Variants in NIN observed in about 807,000 individuals in gnomAD.
NIN encodes the protein glycogen synthase kinase 3 beta-interacting protein.
Under a neutral mutation model 257.6 loss-of-function variants are expected in NIN, and 137 were observed. The ratio of observed to expected loss-of-function variants is 0.53; its 90% CI spans 0.46 to 0.61. NIN has a LOEUF of 0.61. NIN is among the 20% of genes least tolerant of loss of function. The pLI is 0.00. For synonymous variants in NIN, 918 were observed against 919.8 expected (o/e 1.00, Z 0.04); for missense variants, 2,439 against 2,501.2 (o/e 0.98, Z 0.53).
At chr14:50,763,785 A>G (rs370055488) in intron 15 of NIN, 41 bp downstream of exon 15, 8 of 1,556,318 alleles carry the variant, frequency 5.1e-6, no homozygotes, top group Non-Finnish European at 7.0e-6. Flanking sequence ...TCTAAAAACA[A>G]GAGTAAAGGC....
intron 3 of NIN, among the ~76,000 whole-genome samples, chr14:50,812,425 A>T: frequency 6.6e-6 from 1 of 152,208 alleles, no homozygotes; most frequent in Non-Finnish European, 1.5e-5. Context: ...CTTTCACACG[A>T]AGCCACCAGG....
chr14:50,744,540 C>T (rs950013032), intron 22 of NIN, among the ~76,000 whole-genome samples, 175 bp from the exon 23 acceptor site: 2 of 152,254 alleles, frequency 1.3e-5, no homozygotes, highest in African/African-American at 2.4e-5. Flanking sequence ...CTTCTGGCTT[C>T]TCTCTGATTC....
chr14:50,778,330 A>G (rs554415928), intron 6 of NIN, among the ~76,000 whole-genome samples: 10 of 152,154 alleles, frequency 6.6e-5, no homozygotes, highest in African/African-American at 2.4e-4. Flanking sequence ...GGCATGTGCT[A>G]CCACACCTGG....
At chr14:50,815,331 C>T (rs2044840134) in intron 3 of NIN, among the ~76,000 whole-genome samples, 1 of 152,120 alleles carries the variant, frequency 6.6e-6, no homozygotes, top group Non-Finnish European at 1.5e-5. Flanking sequence ...AAATCAAAAC[C>T]ACAATGAGAT....
chr14:50,737,547 C>A (rs1175973927), intron 27 of NIN, among the ~76,000 whole-genome samples: 1 of 138,740 alleles, frequency 7.2e-6, no homozygotes, highest in South Asian at 2.3e-4. Flanking sequence ...TTCTAATATT[C>A]GAGTGATAAA....
rs561507329 is a variant in NIN at position 50,775,685 on chromosome 14, A to G, written c.666+1264T>C. Among the ~76,000 whole-genome samples, 23 of 152,352 alleles carry G rather than the reference A, an allele frequency of 1.5e-4. 1 individual carries two copies. The South Asian group carries it at 4.8e-3, about 32-fold the overall frequency. On this transcript the variant is annotated intron_variant, in intron 7 of 30. Transcript: ENST00000530997. Reference sequence around the variant, plus strand: ...CTTTTCCTGAGCTTTGGAAACCACCACAGAAGAACATGCAGCTCTCCACAA... The same window carrying G: ...CTTTTCCTGAGCTTTGGAAACCACCGCAGAAGAACATGCAGCTCTCCACAA...
At position 50,757,654 on chromosome 14, in the gene NIN, A is replaced by T. The variant is rs1445072331; in HGVS notation, c.3376T>A (p.Phe1126Ile). 1 of 1,613,984 alleles carries T rather than the reference A, an allele frequency of 6.2e-7. No homozygotes were observed. The highest frequency in any genetic ancestry group is 2.2e-5 in the East Asian group (1 of 44,870). ...TGCTTCGTTCGGTTTTGCTGTAAAA[A>T]CTGCTCTGTTTGTTCCGCAGTATTT... is the stretch of plus-strand genomic sequence containing the variant. Reference protein sequence around the residue: ...FGNTAEQTEQFLQQNRTKQVE... With the variant: ...FGNTAEQTEQILQQNRTKQVE... The change falls in exon 18 of 31, where the codon TTT (phenylalanine) becomes ATT (isoleucine). Residue 1126 changes from phenylalanine to isoleucine, a missense_variant. Around this residue, in one of 3 missense-constraint regions of NIN, gnomAD observed 2,043 missense variants for 2,050.2 expected, o/e 1.00. Coordinates refer to ENST00000530997, the MANE Select transcript of NIN (RefSeq NM_020921.4).
At chr14:50,744,412 T>G (rs1316949470) in intron 22 of NIN, 47 bp from the exon 23 acceptor site, 3 of 1,602,650 alleles carry the variant, frequency 1.9e-6, no homozygotes, top group East Asian at 4.5e-5. Context: ...CTCATGGCTG[T>G]AAGTACAAAG....
intron 20 of NIN, among the ~76,000 whole-genome samples, chr14:50,753,455 C>G (rs1013331925): frequency 6.6e-6 from 1 of 152,156 alleles, no homozygotes; most frequent in African/African-American, 2.4e-5. Flanking sequence ...CCACATACTA[C>G]TTTTTACTGG....
At chr14:50,762,698 T>C (rs576930340) in intron 15 of NIN, among the ~76,000 whole-genome samples, 1 of 152,266 alleles carries the variant, frequency 6.6e-6, no homozygotes, top group African/African-American at 2.4e-5. Flanking sequence ...GCTGAGCTTG[T>C]ACACAGAAGA....
In NIN at chr14:50,760,144, CA is replaced by C. The variant is rs767881996; in HGVS notation, c.2111del (p.Leu704ArgfsTer3). 2.5e-6 allele frequency: 4 copies of C among 1,614,212 alleles called. No homozygotes were observed. The highest frequency in any genetic ancestry group is 3.4e-6 in the Non-Finnish European group (4 of 1,180,042). On this transcript the variant is annotated frameshift_variant, in exon 17 of 31. Transcript: ENST00000530997. LOFTEE classifies it high-confidence loss of function. The part of the protein sequence containing the change: ...TCRHEEEKKQ[L>X]QVKLEEEKTH... ...TCTTTTCCTCCTCAAGCTTCACTTGCAGTTGTTTTTTCTCCTCCTCATGCCT... is the reference window on the plus strand; with the variant it reads ...TCTTTTCCTCCTCAAGCTTCACTTGCGTTGTTTTTTCTCCTCCTCATGCCT...
intron 28 of NIN, among the ~76,000 whole-genome samples, chr14:50,733,096 TA>T (rs1016339500): frequency 2.0e-4 from 21 of 102,846 alleles, no homozygotes; most frequent in African/African-American, 8.6e-4. Flanking sequence ...ATAGCATTAA[TA>T]ATTTTTTTTT....
chr14:50,726,260 A>C, intron 29 of NIN, 194 bp from the exon 30 acceptor site: 1 of 506,732 alleles, frequency 2.0e-6, no homozygotes, highest in Non-Finnish European at 3.5e-6. Flanking sequence ...TATCAGATAA[A>C]GGATCAGACT....
Position 50,758,327 on chromosome 14 carries a change from G to T in NIN, c.2703C>A (p.Tyr901Ter). ...CGACCATGCTGTTCAAATGTTCTTT[G>T]TATGTTTTCTCCAGCATCTCTCTCT... ...TQEREMLEKT[Y>*]KEHLNSMVVE... The change falls in exon 18 of 31, where the codon TAC (tyrosine) becomes TAA (stop). Residue 901 changes from tyrosine to a stop codon, truncating the protein, a stop_gained. Transcript: ENST00000530997. LOFTEE classifies it high-confidence loss of function. The T allele has an allele frequency of 1.2e-6, 2 of 1,614,214 alleles. No homozygotes were observed. Among genetic ancestry groups the T allele is most frequent in the Non-Finnish European group, 1.7e-6 (2 of 1,180,020 alleles).
Position 50,776,996 on chromosome 14 carries a change from GC to G in NIN, c.618del (p.Lys206AsnfsTer32). ...CCATACTGCTCACAGATGGAGACCA[GC>G]TTCTTCCGGTTCAGGTGACCATCAC... ...ITRDGHLNRKKLVSICEQYGL... is the reference protein window; with the variant it reads ...ITRDGHLNRKXLVSICEQYGL... On this transcript the variant is annotated frameshift_variant, in exon 7 of 31. Coordinates refer to ENST00000530997, the MANE Select transcript of NIN (RefSeq NM_020921.4). LOFTEE classifies it high-confidence loss of function. 6.2e-7 allele frequency: 1 copy of G among 1,614,174 alleles called. No homozygotes were observed. The highest frequency in any genetic ancestry group is 8.5e-7 in the Non-Finnish European group (1 of 1,180,022).
At chr14:50,731,009 G>A (rs776499755) in intron 28 of NIN, 1 of 1,207,570 alleles carries the variant, frequency 8.3e-7, no homozygotes, top group Middle Eastern at 2.2e-4. Flanking sequence ...CCACAGACAA[G>A]ACAAAAAGAA....
chr14:50,830,871 A>G (rs1014482890), intron 1 of NIN, 135 bp downstream of exon 1: 58 of 150,954 alleles, frequency 3.8e-4, no homozygotes, highest in African/African-American at 1.4e-3. Context: ...CCGGACCCCA[A>G]ATGGGAAGCC....
chr14:50,756,436 T>G, intron 18 of NIN, 56 bp downstream of exon 18: 1 of 1,521,918 alleles, frequency 6.6e-7, no homozygotes, highest in South Asian at 1.3e-5. Context: ...CAGTGGAAGT[T>G]AGATCTGGTG....
chr14:50,773,002 T>C lies in NIN; in HGVS notation c.760A>G (p.Thr254Ala). The C allele has an allele frequency of 4.3e-6, 7 of 1,613,312 alleles. No individual in the cohort carries two copies. The highest frequency in any genetic ancestry group is 5.9e-6 in the Non-Finnish European group (7 of 1,179,302). ...CTATATGGAGTAGATGCTGATGGTG[T>C]AAGAGATTTTCCATTTTTAAACAAA... ...YGLFKNGKSL[T>A]PSASTPYRQL... is the part of the protein sequence containing the mutation. The change falls in exon 8 of 31, where the codon ACA becomes GCA. Residue 254 changes from threonine to alanine, a missense_variant. This residue lies in a region of NIN where 387 missense variants were observed against 427.3 expected (regional missense o/e 0.91). Transcript: ENST00000530997.
Sources: gnomAD v4.1 joint callset for allele counts (sites outside exome capture counted in the v4.1 genomes callset) on GRCh38, gnomAD v4.1.1 for gene constraint, gnomAD v4.1.1 regional missense constraint, MANE v1.5 for transcripts, NCBI Gene and HGNC (gene_info 2026-07-23, HGNC 2026-07-21) for gene names.